The following GBP1 variants were observed in gnomAD, a reference collection of about 807,000 sequenced individuals.
GBP1 encodes the protein guanylate-binding protein 1.
In GBP1, 64 loss-of-function variants were observed where a neutral mutation model predicts 69.5. The ratio of observed to expected loss-of-function variants is 0.92; its 90% CI spans 0.75 to 1.13. The LOEUF (loss-of-function observed/expected upper bound fraction) is 1.13. GBP1 is among the 50% of genes most tolerant of loss of function. The pLI is 0.00. For synonymous variants in GBP1, 250 were observed against 261.2 expected (o/e 0.96, Z 0.41); for missense variants, 630 against 704.1 (o/e 0.89, Z 1.19).
intron 8 of GBP1, chr1:89,055,790 C>T: frequency 3.3e-6 from 2 of 603,896 alleles, no homozygotes; most frequent in Non-Finnish European, 5.8e-6. Flanking sequence ...CTTTGTGCTT[C>T]ATCTGCTAAT....
At position 89,056,827 on chromosome 1, in the gene GBP1, A is replaced by G. The variant is rs199583016; in HGVS notation, c.1155+27T>C. 46 of 1,610,016 alleles carry G rather than the reference A, an allele frequency of 2.9e-5. No homozygotes were observed. In the African/African-American group the frequency reaches 6.0e-4, roughly 21 times the overall value. Reference sequence around the variant, plus strand: ...GGTACTTTAGCTTCTATGACCCTAAACCGTATACATTTGAGACAAAAATTA... The same window carrying G: ...GGTACTTTAGCTTCTATGACCCTAAGCCGTATACATTTGAGACAAAAATTA... On this transcript the variant is annotated intron_variant, in intron 7 of 10. Transcript: ENST00000370473.
At chr1:89,054,161 G>A (rs1200112314) in intron 10 of GBP1, among the ~76,000 whole-genome samples, 1 of 151,448 alleles carries the variant, frequency 6.6e-6, no homozygotes, top group East Asian at 1.9e-4. Flanking sequence ...GTGCAGTGGT[G>A]CGATCTCAGC....
chr1:89,063,267 G>A lies in GBP1; in HGVS notation c.-19-14C>T. On this transcript the variant is annotated splice_polypyrimidine_tract_variant and intron_variant, in intron 1 of 10. Transcript: ENST00000370473. ...CTGTTCCCTTGTCTGCAAGAGAAGA[G>A]GTGAAATACATGAGAATTTCTAGTG... 1 of 1,601,038 alleles carries A rather than the reference G, an allele frequency of 6.2e-7. No individual in the cohort carries two copies. Among genetic ancestry groups the A allele is most frequent in the Non-Finnish European group, 8.5e-7 (1 of 1,170,492 alleles).
Position 89,054,712 on chromosome 1 carries a change from C to T in GBP1, c.1635G>A (p.Glu545=), listed in dbSNP as rs1680001135. ...MENDRVQLLK[E]QERTLALKLQ... is the part of the protein sequence containing the mutation. ...GTTTAAGAGCGAGGGTCCTCTCTTGCTCTTTCAGCAACTGGACCCTGTCGT... is the reference window on the plus strand; with the variant it reads ...GTTTAAGAGCGAGGGTCCTCTCTTGTTCTTTCAGCAACTGGACCCTGTCGT... The change falls in exon 10 of 11, where the codon GAG becomes GAA. Residue 545 remains glutamate, a synonymous_variant. Coordinates refer to ENST00000370473, the MANE Select transcript of GBP1 (RefSeq NM_002053.3). 6.2e-7 allele frequency: 1 copy of T among 1,614,200 alleles called. No homozygotes were observed. Among genetic ancestry groups the T allele is most frequent in the African/African-American group, 1.3e-5 (1 of 75,066 alleles).
intron 10 of GBP1, among the ~76,000 whole-genome samples, chr1:89,054,163 G>C (rs971367853): frequency 6.6e-6 from 1 of 151,380 alleles, no homozygotes; most frequent in African/African-American, 2.4e-5. Context: ...GCAGTGGTGC[G>C]ATCTCAGCTC....
rs1680027667 is a variant in GBP1 at position 89,055,794 on chromosome 1, T to G, written c.1368+222A>C. 6 of 611,304 alleles carry G rather than the reference T, an allele frequency of 9.8e-6. No homozygotes were observed. In the Admixed American group the frequency reaches 1.8e-4, roughly 18 times the overall value. The allele number at this position is 611,304 out of a possible 1,614,324, so 37.9% of individuals were successfully genotyped here. On this transcript the variant is annotated intron_variant, in intron 8 of 10. Coordinates refer to ENST00000370473, the MANE Select transcript of GBP1 (RefSeq NM_002053.3). ...GACAATAATAACTTTGTGCTTCATC[T>G]GCTAATTGAATTTATAACTTAATAG...
At position 89,063,242 on chromosome 1, in the gene GBP1, C is replaced by A. The variant is rs368908148; in HGVS notation, c.-8G>T. On this transcript the variant is annotated 5_prime_UTR_variant, in exon 2 of 11. Coordinates refer to ENST00000370473, the MANE Select transcript of GBP1 (RefSeq NM_002053.3). ...GTGGATCTCTGATGCCATGTCCAGGCTGTTCCCTTGTCTGCAAGAGAAGAG... is the reference window on the plus strand; with the variant it reads ...GTGGATCTCTGATGCCATGTCCAGGATGTTCCCTTGTCTGCAAGAGAAGAG... 7.4e-6 allele frequency: 12 copies of A among 1,613,200 alleles called. No homozygotes were observed. The highest frequency in any genetic ancestry group is 1.0e-5 in the Non-Finnish European group (12 of 1,179,424).
intron 2 of GBP1, 147 bp from the exon 3 acceptor site, chr1:89,060,471 G>A (rs1187972682): frequency 3.3e-6 from 2 of 606,574 alleles, no homozygotes; most frequent in Non-Finnish European, 2.5e-6. Context: ...AAAGAAATAG[G>A]AAATTTGAAT....
chr1:89,052,756 A>G lies in GBP1; in HGVS notation c.*599T>C, dbSNP rs3188670. On this transcript the variant is annotated 3_prime_UTR_variant, in exon 11 of 11. Coordinates refer to ENST00000370473, the MANE Select transcript of GBP1 (RefSeq NM_002053.3). The stretch of plus-strand genomic sequence containing the variant: ...AAGAGAAGTTTTCTTCATTAGCCCA[A>G]TTGTTTATCACTCAATTCCTACTCC... 1 of 152,218 alleles carries G rather than the reference A, an allele frequency of 6.6e-6. No homozygotes were observed. The highest frequency in any genetic ancestry group is 6.5e-5 in the Admixed American group (1 of 15,274). 9.4% of individuals were successfully genotyped at this position (152,218 alleles called of 1,614,324 possible).
intron 5 of GBP1, 195 bp from the exon 6 acceptor site, chr1:89,058,429 T>G (rs1680099990): frequency 1.8e-6 from 1 of 567,100 alleles, no homozygotes; most frequent in Non-Finnish European, 3.0e-6. Context: ...AAACCTTATT[T>G]ACAAAGACAG....
chr1:89,059,072 A>C (rs1250097123), intron 4 of GBP1, 29 bp from the exon 5 acceptor site: 1 of 1,613,642 alleles, frequency 6.2e-7, no homozygotes, highest in Non-Finnish European at 8.5e-7. Flanking sequence ...AAATGTGACA[A>C]AATGAACAGG....
intron 6 of GBP1, among the ~76,000 whole-genome samples, chr1:89,057,538 A>C (rs187419455): frequency 6.6e-6 from 1 of 152,386 alleles, no homozygotes; most frequent in African/African-American, 2.4e-5. Flanking sequence ...CCAATAAAAA[A>C]GAGTCATCCA....
At chr1:89,055,952 C>T (rs1680031636) in intron 8 of GBP1, 64 bp downstream of exon 8, 1 of 1,591,338 alleles carries the variant, frequency 6.3e-7, no homozygotes, top group African/African-American at 1.3e-5. Flanking sequence ...GAAGCTTGGT[C>T]ACCTTGGTGT....
chr1:89,058,470 T>G (rs1680101221), intron 5 of GBP1: 2 of 530,096 alleles, frequency 3.8e-6, no homozygotes, highest in Non-Finnish European at 3.3e-6. Context: ...TGATTTGTCT[T>G]GGGCTGTAGT....
chr1:89,057,285 C>G (rs1454237743), intron 6 of GBP1, 151 bp from the exon 7 acceptor site: 1 of 1,112,132 alleles, frequency 9.0e-7, no homozygotes. Flanking sequence ...ACTCTCAGAC[C>G]CTGTCCGAGA....
intron 3 of GBP1, 80 bp from the exon 4 acceptor site, chr1:89,059,506 T>C: frequency 6.9e-7 from 1 of 1,454,014 alleles, no homozygotes; most frequent in East Asian, 2.3e-5. Context: ...TAAAACTATG[T>C]TCATATGTTA....
At chr1:89,057,219 T>C (rs1570937331) in intron 6 of GBP1, 85 bp from the exon 7 acceptor site, 1 of 1,556,018 alleles carries the variant, frequency 6.4e-7, no homozygotes, top group African/African-American at 1.4e-5. Flanking sequence ...AAATACCACC[T>C]ATTTTCCTCA....
In GBP1 at chr1:89,059,244, C is replaced by T. The variant is rs575898559; in HGVS notation, c.428+73G>A. ...TTTGAGCTTGATTCATCAGGATTCA[C>T]AGTCAGGCAGCTGGTGTATGAATAC... On this transcript the variant is annotated intron_variant, in intron 4 of 10. Transcript: ENST00000370473. The T allele has an allele frequency of 6.8e-6, 11 of 1,613,810 alleles. No homozygotes were observed. The East Asian group carries it at 1.1e-4, about 16-fold the overall frequency.
intron 5 of GBP1, 61 bp downstream of exon 5, chr1:89,058,780 T>C: frequency 1.3e-6 from 2 of 1,580,940 alleles, no homozygotes; most frequent in Non-Finnish European, 1.7e-6. Context: ...AATAGTAAAC[T>C]GAAAAATGAT....
Sources: allele counts gnomAD v4.1 joint callset (sites outside exome capture counted in the v4.1 genomes callset), GRCh38; gene constraint gnomAD v4.1.1; transcripts MANE v1.5; gene names NCBI Gene and HGNC (gene_info 2026-07-23, HGNC 2026-07-21).